ATF7: variants seen among roughly 807,000 people sequenced by gnomAD.
ATF7 encodes activating transcription factor 7.
A neutral mutation model predicts 50.4 loss-of-function variants in ATF7; 10 were observed. That is an observed-to-expected ratio of 0.20 (90% CI 0.12 to 0.34). The LOEUF (loss-of-function observed/expected upper bound fraction) is 0.34, where lower values mean the gene tolerates loss of function less well. Ranked by LOEUF, ATF7 falls within the 10% of genes least tolerant of loss-of-function variation. ATF7 has a pLI of 1.00. For missense variants in ATF7, 465 were observed against 613.9 expected (o/e 0.76, Z 2.56); for synonymous variants, 201 against 226.4 (o/e 0.89, Z 1.01).
chr12:53,521,411 TGTCTCC>T (rs1938121573), intron 11 of ATF7, among the ~76,000 whole-genome samples: 1 of 152,174 alleles, frequency 6.6e-6, no homozygotes, highest in African/African-American at 2.4e-5. Flanking sequence ...GTCCCCTACT[TGTCTCC>T]AACTACTCTC....
chr12:53,593,436 C>T (rs1943030300), intron 2 of ATF7, among the ~76,000 whole-genome samples: 1 of 152,110 alleles, frequency 6.6e-6, no homozygotes, highest in Middle Eastern at 3.2e-3. Context: ...GTCACTGGCA[C>T]ATAGTTAAAA....
chr12:53,591,991 G>A (rs1167954542), intron 2 of ATF7, among the ~76,000 whole-genome samples: 1 of 151,828 alleles, frequency 6.6e-6, no homozygotes, highest in Non-Finnish European at 1.5e-5. Flanking sequence ...GGGATTTAAA[G>A]ACAGAGCTAT....
intron 2 of ATF7, among the ~76,000 whole-genome samples, chr12:53,587,935 C>T (rs926310290): frequency 2.0e-5 from 3 of 150,462 alleles, no homozygotes; most frequent in Non-Finnish European, 3.0e-5. Flanking sequence ...CAACCTCTGC[C>T]TCCCAGGTTC....
intron 1 of ATF7, among the ~76,000 whole-genome samples, chr12:53,617,791 A>C (rs1944204183): frequency 6.6e-6 from 1 of 152,100 alleles, no homozygotes; most frequent in Non-Finnish European, 1.5e-5. Flanking sequence ...TGTAACACTC[A>C]TCCTTCATTT....
rs758521520 is a variant in ATF7, at chr12:53,543,479, T to C, written c.146-31A>G. 22 of 1,529,042 alleles carry C rather than the reference T, an allele frequency of 1.4e-5. No homozygotes were observed. The South Asian group carries it at 2.4e-4, about 16-fold the overall frequency. 94.7% of individuals were successfully genotyped at this position (1,529,042 alleles called of 1,614,324 possible). A position where few individuals can be genotyped will look rare whatever the true frequency, so the allele number is the denominator to read the frequency against. Reference sequence around the variant, plus strand: ...GACATGAAAGAAAAGGAAACTGTTTTAGTTTTGATCTGAAATTAAAACTTG... The same window carrying C: ...GACATGAAAGAAAAGGAAACTGTTTCAGTTTTGATCTGAAATTAAAACTTG... On this transcript the variant is annotated intron_variant, in intron 3 of 11. Coordinates refer to ENST00000420353, the MANE Select transcript of ATF7 (RefSeq NM_006856.3).
rs1432196936 is a variant in ATF7 at position 53,515,782 on chromosome 12, G to A, written c.*1355C>T. Reference sequence around the variant, plus strand: ...CTCAAGTAAACCCACTCAGCATCTTGGCTATGACGCTTCAAGATCCTGGAG... The same window carrying A: ...CTCAAGTAAACCCACTCAGCATCTTAGCTATGACGCTTCAAGATCCTGGAG... On this transcript the variant is annotated 3_prime_UTR_variant, in exon 12 of 12. Coordinates refer to ENST00000420353, the MANE Select transcript of ATF7 (RefSeq NM_006856.3). 6.6e-6 allele frequency: 1 copy of A among 152,140 alleles called. No homozygotes were observed. Among genetic ancestry groups the A allele is most frequent in the African/African-American group, 2.4e-5 (1 of 41,416 alleles). 9.4% of individuals were successfully genotyped at this position (152,140 alleles called of 1,614,324 possible).
At chr12:53,552,808 G>A (rs1176287522) in intron 2 of ATF7, among the ~76,000 whole-genome samples, 171 bp from the exon 3 acceptor site, 1 of 152,134 alleles carries the variant, frequency 6.6e-6, no homozygotes, top group Non-Finnish European at 1.5e-5. Flanking sequence ...AAGGGTGCTA[G>A]AACGCAGGGA....
At chr12:53,601,465 CT>C (rs1254491006) in intron 1 of ATF7, among the ~76,000 whole-genome samples, 1 of 152,322 alleles carries the variant, frequency 6.6e-6, no homozygotes, top group African/African-American at 2.4e-5. Context: ...GGGCCATAAT[CT>C]GGCTCCCTGG....
intron 9 of ATF7, among the ~76,000 whole-genome samples, chr12:53,530,315 C>A (rs2137370166): frequency 6.6e-6 from 1 of 152,222 alleles, no homozygotes; most frequent in East Asian, 1.9e-4. Flanking sequence ...GTGGTGACAT[C>A]AGGAAAAGAG....
At chr12:53,576,701 AAAACAAACAAAC>A (rs556071136) in intron 2 of ATF7, among the ~76,000 whole-genome samples, 2 of 152,234 alleles carry the variant, frequency 1.3e-5, no homozygotes, top group East Asian at 1.9e-4. Context: ...TGTTCTTTAT[AAAACAAACAAAC>A]AAACAAACAA....
chr12:53,611,091 G>A lies in ATF7; in HGVS notation c.-21-10070C>T, dbSNP rs147821605. 5.2e-3 allele frequency among the ~76,000 whole-genome samples: 795 copies of A among 152,042 alleles called. 9 individuals are homozygous for A. Among genetic ancestry groups the A allele is most frequent in the African/African-American group, 0.018 (766 of 41,450 alleles). ...GATCCTCCTGCCTTGGCCTCCCAAA[G>A]TTCTGGGATTACAAGGGTGAGCCAT... On this transcript the variant is annotated intron_variant, in intron 1 of 11. Transcript: ENST00000420353.
chr12:53,529,191 A>AAT (rs1938688904), intron 9 of ATF7, among the ~76,000 whole-genome samples: 1 of 152,036 alleles, frequency 6.6e-6, no homozygotes, highest in African/African-American at 2.4e-5. Flanking sequence ...CCCTGTCTCT[A>AAT]ATATTATTTA....
intron 2 of ATF7, among the ~76,000 whole-genome samples, chr12:53,570,728 C>G (rs946990134): frequency 8.3e-5 from 10 of 120,794 alleles, no homozygotes; most frequent in African/African-American, 3.0e-4. Flanking sequence ...ATAGTGTTCT[C>G]CTGTGTGCGT....
At chr12:53,530,005 G>C (rs1432798173) in intron 9 of ATF7, among the ~76,000 whole-genome samples, 1 of 152,080 alleles carries the variant, frequency 6.6e-6, no homozygotes, top group Non-Finnish European at 1.5e-5. Flanking sequence ...GCCTCCCAAA[G>C]TGCTGGGATT....
chr12:53,625,623 A>T (rs1333504487), intron 1 of ATF7, among the ~76,000 whole-genome samples: 1 of 152,094 alleles, frequency 6.6e-6, no homozygotes, highest in Non-Finnish European at 1.5e-5. Flanking sequence ...TCTTTTAATT[A>T]ATTCAATCAA....
intron 2 of ATF7, among the ~76,000 whole-genome samples, chr12:53,560,105 G>A (rs559754973): frequency 1.7e-4 from 26 of 151,952 alleles, no homozygotes; most frequent in African/African-American, 4.8e-4. Flanking sequence ...TGTGTTTTTA[G>A]TAGAGACAGG....
At chr12:53,564,915 G>A (rs1941362511) in intron 2 of ATF7, among the ~76,000 whole-genome samples, 1 of 151,880 alleles carries the variant, frequency 6.6e-6, no homozygotes, top group South Asian at 2.1e-4. Context: ...ATCAGCTATT[G>A]TTGGCGTTAG....
At chr12:53,612,057 C>T (rs1423924285) in intron 1 of ATF7, among the ~76,000 whole-genome samples, 1 of 151,954 alleles carries the variant, frequency 6.6e-6, no homozygotes, top group Non-Finnish European at 1.5e-5. Flanking sequence ...CTCATTGCCA[C>T]CTCCACCTCC....
intron 3 of ATF7, among the ~76,000 whole-genome samples, chr12:53,546,500 G>A (rs1268715409): frequency 1.3e-5 from 2 of 151,570 alleles, no homozygotes; most frequent in Non-Finnish European, 2.9e-5. Flanking sequence ...CCAGGCTGGA[G>A]TGCAGCAATG....
Sources: gnomAD v4.1 joint callset for allele counts (sites outside exome capture counted in the v4.1 genomes callset) on GRCh38, gnomAD v4.1.1 for gene constraint, MANE v1.5 for transcripts, NCBI Gene and HGNC (gene_info 2026-07-23, HGNC 2026-07-21) for gene names.